MYO3B: variants seen among roughly 807,000 people sequenced by gnomAD.
MYO3B encodes myosin-IIIb.
Under a neutral mutation model 174.6 loss-of-function variants are expected in MYO3B, and 156 were observed. The observed-to-expected ratio is 0.89, with a 90% CI of 0.78 to 1.02. The LOEUF is 1.02. Among genes scored for constraint, MYO3B ranks in the 50% least tolerant of loss-of-function variants. The pLI is 0.00. For missense variants in MYO3B, 1,632 were observed against 1,639.4 expected, an observed-to-expected ratio of 1.00 and a Z score of 0.08; for synonymous variants, 563 against 569.1, an observed-to-expected ratio of 0.99 and a Z score of 0.15.
At position 170,544,985 on chromosome 2, in the gene MYO3B, G is replaced by T. The variant is rs16858710; in HGVS notation, c.3733+997G>T. On this transcript the variant is annotated intron_variant, in intron 32 of 34. Transcript: ENST00000408978. The stretch of plus-strand genomic sequence containing the variant: ...GCAAAATTCATTATGCGAGAGTTTG[G>T]TTGGTACTTTTCTCTATCCAAACAG... 0.029 allele frequency among the ~76,000 whole-genome samples: 4,362 copies of T among 152,236 alleles called. 558 individuals carry two copies. The East Asian group carries it at 0.44, about 15-fold the overall frequency.
At chr2:170,472,667 TTTTATCTATTTA>T (rs1483513430) in intron 25 of MYO3B, among the ~76,000 whole-genome samples, 26 of 136,522 alleles carry the variant, frequency 1.9e-4, no homozygotes, top group African/African-American at 6.7e-4. Flanking sequence ...TCAGCTCACT[TTTTATCTATTTA>T]TTTATTTATT....
chr2:170,527,630 G>A (rs1359977780), intron 30 of MYO3B, among the ~76,000 whole-genome samples: 1 of 152,216 alleles, frequency 6.6e-6, no homozygotes, highest in Non-Finnish European at 1.5e-5. Context: ...CATCTAGGTA[G>A]AGGAAACGAT....
intron 32 of MYO3B, among the ~76,000 whole-genome samples, chr2:170,649,696 G>A (rs1206815127): frequency 1.3e-5 from 2 of 150,274 alleles, no homozygotes. Context: ...GTGTGGTGGT[G>A]CACACCTGTA....
chr2:170,183,475 A>G (rs889961117), intron 1 of MYO3B, among the ~76,000 whole-genome samples: 1 of 152,090 alleles, frequency 6.6e-6, no homozygotes, highest in Non-Finnish European at 1.5e-5. Flanking sequence ...TTAAAATGCT[A>G]TTTTCTTTCT....
intron 7 of MYO3B, among the ~76,000 whole-genome samples, chr2:170,273,876 G>T (rs1372325464): frequency 6.6e-6 from 1 of 152,150 alleles, no homozygotes; most frequent in East Asian, 1.9e-4. Context: ...TTAATGAGAG[G>T]CCTGGAGACC....
intron 7 of MYO3B, among the ~76,000 whole-genome samples, chr2:170,318,832 CAT>C (rs10611096): frequency 0.46 from 70,353 of 151,792 alleles, 17,828 homozygotes; most frequent in East Asian, 0.65. Context: ...AAATCTGTGT[CAT>C]GTGTCGAAAT....
At chr2:170,376,932 T>G (rs921494770) in intron 9 of MYO3B, among the ~76,000 whole-genome samples, 3 of 152,248 alleles carry the variant, frequency 2.0e-5, no homozygotes, top group African/African-American at 7.2e-5. Flanking sequence ...AGAGCACCTT[T>G]TTCTATTACT....
intron 23 of MYO3B, among the ~76,000 whole-genome samples, chr2:170,453,609 C>T (rs1210985080): frequency 2.0e-5 from 3 of 152,114 alleles, no homozygotes; most frequent in Admixed American, 2.0e-4. Flanking sequence ...TGACCCTGCT[C>T]ACCACACCAT....
chr2:170,403,430 A>T (rs537459520), intron 19 of MYO3B, among the ~76,000 whole-genome samples: 13 of 152,230 alleles, frequency 8.5e-5, no homozygotes, highest in Non-Finnish European at 1.6e-4. Context: ...ATCTCCAGGG[A>T]AGAGTAAGAT....
At chr2:170,198,011 A>G (rs1463886917) in intron 1 of MYO3B, among the ~76,000 whole-genome samples, 1 of 152,046 alleles carries the variant, frequency 6.6e-6, no homozygotes, top group Non-Finnish European at 1.5e-5. Flanking sequence ...AATTGAGTCC[A>G]TCTATTGCTT....
intron 23 of MYO3B, among the ~76,000 whole-genome samples, chr2:170,451,792 T>TGAGG (rs1683607799): frequency 6.6e-6 from 1 of 152,138 alleles, no homozygotes; most frequent in South Asian, 2.1e-4. Context: ...AGGAATAGGG[T>TGAGG]GAGGAAAGCT....
At chr2:170,405,920 T>A (rs377346597) in intron 21 of MYO3B, among the ~76,000 whole-genome samples, 6 of 152,344 alleles carry the variant, frequency 3.9e-5, no homozygotes, top group African/African-American at 1.4e-4. Flanking sequence ...ACATTACAGC[T>A]TTTTGCGGTG....
intron 32 of MYO3B, among the ~76,000 whole-genome samples, chr2:170,597,423 C>T (rs1284267352): frequency 4.0e-5 from 6 of 151,024 alleles, no homozygotes; most frequent in Non-Finnish European, 8.9e-5. Flanking sequence ...TCCTCCCAGA[C>T]TCTTCAGCCA....
intron 18 of MYO3B, among the ~76,000 whole-genome samples, chr2:170,402,510 T>C (rs2094483981): frequency 2.0e-5 from 3 of 152,114 alleles, no homozygotes; most frequent in African/African-American, 7.2e-5. Flanking sequence ...CCAGTTATCC[T>C]TGTGGGTAGA....
chr2:170,242,113 G>A (rs920217759), intron 7 of MYO3B, among the ~76,000 whole-genome samples: 3 of 152,276 alleles, frequency 2.0e-5, no homozygotes, highest in Admixed American at 1.3e-4. Flanking sequence ...TTGCCCTGGG[G>A]AGTATTGGTT....
intron 32 of MYO3B, among the ~76,000 whole-genome samples, chr2:170,628,826 A>G (rs1376488528): frequency 6.6e-6 from 1 of 152,234 alleles, no homozygotes; most frequent in Non-Finnish European, 1.5e-5. Context: ...AGTAGGCTTC[A>G]AGTTTGGATA....
chr2:170,465,926 C>T (rs1023702061), intron 24 of MYO3B, among the ~76,000 whole-genome samples: 4 of 152,138 alleles, frequency 2.6e-5, no homozygotes, highest in African/African-American at 7.2e-5. Context: ...CCTGATTTTC[C>T]GTGTCCTTGC....
intron 8 of MYO3B, among the ~76,000 whole-genome samples, chr2:170,338,729 A>T (rs2093960462): frequency 6.6e-6 from 1 of 152,100 alleles, no homozygotes; most frequent in Admixed American, 6.6e-5. Context: ...CAGCCTCCCA[A>T]GTAGCTGGAA....
At chr2:170,200,464 T>G (rs2092649572) in intron 3 of MYO3B, among the ~76,000 whole-genome samples, 180 bp downstream of exon 3, 1 of 152,214 alleles carries the variant, frequency 6.6e-6, no homozygotes, top group South Asian at 2.1e-4. Flanking sequence ...GGCCTTATGC[T>G]AAAAATATTT....
Sources: gnomAD v4.1 joint callset for allele counts (sites outside exome capture counted in the v4.1 genomes callset) on GRCh38, gnomAD v4.1.1 for gene constraint, MANE v1.5 for transcripts, NCBI Gene and HGNC (gene_info 2026-07-23, HGNC 2026-07-21) for gene names.